Variants in ZFP30 observed in about 807,000 individuals in gnomAD.
ZFP30 encodes ZFP30 zinc finger protein.
In ZFP30, 16 loss-of-function variants were observed where a neutral mutation model predicts 12.3. The observed-to-expected ratio is 1.30, with a 90% CI of 0.88 to 1.98. The LOEUF (loss-of-function observed/expected upper bound fraction) is 1.98, where lower values mean the gene tolerates loss of function less well. Among genes scored for constraint, ZFP30 ranks in the 30% most tolerant of loss-of-function variants. The pLI, the probability that ZFP30 is intolerant of heterozygous loss-of-function variation, is 0.00. For missense variants in ZFP30, 560 were observed against 611.2 expected (o/e 0.92, Z 0.88); for synonymous variants, 172 against 201.0 (o/e 0.86, Z 1.22).
chr19:37,634,991 T>G lies in ZFP30; in HGVS notation c.1550A>C (p.Asn517Thr). 1 of 1,545,124 alleles carries G rather than the reference T, an allele frequency of 6.5e-7. No homozygotes were observed. The highest frequency in any genetic ancestry group is 8.7e-7 in the Non-Finnish European group (1 of 1,149,004). Reference sequence around the variant, plus strand: ...GAGTTCTAATAATTATTAAGTTACATTATGAATTCGCTGATGGTAAGTAAG... The same window carrying G: ...GAGTTCTAATAATTATTAAGTTACAGTATGAATTCGCTGATGGTAAGTAAG... ...SHLTYHQRIH[N>T]VT Residue 517 changes from asparagine to threonine, a missense_variant, in exon 6 of 6, where the codon AAT becomes ACT. Asn to Thr is a moderately conservative substitution (Grantham distance 65). Transcript: ENST00000684514.
chr19:37,647,810 T>G lies in ZFP30; in HGVS notation c.9+4A>C. The stretch of plus-strand genomic sequence containing the variant: ...TTCCAAAGTAGAGAGAAATTCCAAC[T>G]TACACGAGCCATGATTTTAGAACTG... On this transcript the variant is annotated splice_donor_region_variant and intron_variant, in intron 3 of 5. Coordinates refer to ENST00000684514, the MANE Select transcript of ZFP30 (RefSeq NM_001320669.3). 1.9e-6 allele frequency: 3 copies of G among 1,614,112 alleles called. No individual in the cohort carries two copies. Among genetic ancestry groups the G allele is most frequent in the Non-Finnish European group, 2.5e-6 (3 of 1,180,024 alleles).
rs946579864 is a variant in ZFP30 at position 37,647,875 on chromosome 19, G to A, written c.-53C>T. 1 of 1,606,678 alleles carries A rather than the reference G, an allele frequency of 6.2e-7. No homozygotes were observed. The highest frequency in any genetic ancestry group is 8.5e-7 in the Non-Finnish European group (1 of 1,173,350). On this transcript the variant is annotated 5_prime_UTR_variant, in exon 3 of 6. Transcript: ENST00000684514. ...TTTTCCTCAAGGTTCATGTACTTCAGAAGCAGGGTCCACAGACACCAGAGC... is the reference window on the plus strand; with the variant it reads ...TTTTCCTCAAGGTTCATGTACTTCAAAAGCAGGGTCCACAGACACCAGAGC...
rs2044230048 is a variant in ZFP30, at chr19:37,631,373, C to A, written c.*3608G>T. 1.3e-5 allele frequency: 2 copies of A among 151,862 alleles called. No individual in the cohort carries two copies. Among genetic ancestry groups the A allele is most frequent in the African/African-American group, 2.4e-5 (1 of 41,336 alleles). The allele number at this position is 151,862 out of a possible 1,614,324, so 9.4% of individuals were successfully genotyped here. A position where few individuals can be genotyped will look rare whatever the true frequency, so the allele number is the denominator to read the frequency against. ...ATTAATTTTAATATGCTCATTTAAC[C>A]ACAGAATGCTTTCTAAAAATACCAT... On this transcript the variant is annotated 3_prime_UTR_variant, in exon 6 of 6. Transcript: ENST00000684514.
At chr19:37,643,200 TCTC>T (rs1005581875) in intron 5 of ZFP30, 62 bp downstream of exon 5, 151 of 1,302,600 alleles carry the variant, frequency 1.2e-4, no homozygotes, top group Non-Finnish European at 1.5e-4. Context: ...AAGGGGTGTG[TCTC>T]CTCCTCAACC....
At position 37,633,270 on chromosome 19, in the gene ZFP30, AC is replaced by A. The variant is rs1382449188; in HGVS notation, c.*1710del. On this transcript the variant is annotated 3_prime_UTR_variant, in exon 6 of 6. Transcript: ENST00000684514. The stretch of plus-strand genomic sequence containing the variant: ...GGACCTACATTTTAACTTCCTGAAT[AC>A]ATTATCGTCATTATAGTGTAATTAA... 3 of 152,196 alleles carry A rather than the reference AC, an allele frequency of 2.0e-5. No homozygotes were observed. The highest frequency in any genetic ancestry group is 4.4e-5 in the Non-Finnish European group (3 of 68,042). The allele number at this position is 152,196 out of a possible 1,614,324, so 9.4% of individuals were successfully genotyped here. A position where few individuals can be genotyped will look rare whatever the true frequency, so the allele number is the denominator to read the frequency against.
chr19:37,635,900 T>TA lies in ZFP30; in HGVS notation c.640dup (p.Tyr214LeufsTer2), dbSNP rs2147255583. The TA allele has an allele frequency of 6.2e-7, 1 of 1,614,186 alleles. No homozygotes were observed. Among genetic ancestry groups the TA allele is most frequent in the Non-Finnish European group, 8.5e-7 (1 of 1,180,014 alleles). On this transcript the variant is annotated frameshift_variant, in exon 6 of 6. Coordinates refer to ENST00000684514, the MANE Select transcript of ZFP30 (RefSeq NM_001320669.3). LOFTEE classifies it low-confidence loss of function (END_TRUNC). ...GATCTTTCCACATTTTTTACATTCA[T>TA]AGAGTTTGTCAGAAGTATGAATTCT...
At position 37,632,199 on chromosome 19, in the gene ZFP30, A is replaced by C. The variant is rs1039588026; in HGVS notation, c.*2782T>G. ...TTGTTGGTCTACTCAGGCTCTCTTC[A>C]TTCAGCATGTGAAGTCAATTTTAGT... On this transcript the variant is annotated 3_prime_UTR_variant, in exon 6 of 6. Transcript: ENST00000684514. 2 of 151,868 alleles carry C rather than the reference A, an allele frequency of 1.3e-5. No individual in the cohort carries two copies. The highest frequency in any genetic ancestry group is 1.3e-4 in the Admixed American group (2 of 15,230). 9.4% of individuals were successfully genotyped at this position (151,868 alleles called of 1,614,324 possible).
At position 37,636,074 on chromosome 19, in the gene ZFP30, T is replaced by G; in HGVS notation, c.467A>C (p.Lys156Thr). The change falls in exon 6 of 6, where the codon AAA (lysine) becomes ACA (threonine). Residue 156 changes from lysine to threonine, a missense_variant. Coordinates refer to ENST00000684514, the MANE Select transcript of ZFP30 (RefSeq NM_001320669.3). ...CCCACATTCCCCACATTCGTAGGGT[T>G]TCTCTCTGTTATGACTTTTCTGATA... ...PLYQKSHNRE[K>T]PYECGECGKA... 1 of 1,614,204 alleles carries G rather than the reference T, an allele frequency of 6.2e-7. No homozygotes were observed. The highest frequency in any genetic ancestry group is 8.5e-7 in the Non-Finnish European group (1 of 1,180,040).
chr19:37,643,403 A>C, intron 4 of ZFP30, 40 bp from the exon 5 acceptor site: 1 of 1,370,858 alleles, frequency 7.3e-7, no homozygotes, highest in East Asian at 2.7e-5. Flanking sequence ...GAATTTATTT[A>C]AGGCTTCAAA....
At chr19:37,642,497 C>G (rs1337395343) in intron 5 of ZFP30, among the ~76,000 whole-genome samples, 1 of 152,194 alleles carries the variant, frequency 6.6e-6, no homozygotes, top group Non-Finnish European at 1.5e-5. Context: ...TTACCTTACT[C>G]ACTTTTCTTC....
chr19:37,655,151 A>AGCGCGGACGAGGAT (rs2044728361), intron 1 of ZFP30: 2 of 152,430 alleles, frequency 1.3e-5, no homozygotes, highest in Admixed American at 6.5e-5. Flanking sequence ...AAGTGGCTGA[A>AGCGCGGACGAGGAT]GCGCGGACGA....
At chr19:37,643,469 C>T in intron 4 of ZFP30, 106 bp from the exon 5 acceptor site, 2 of 778,058 alleles carry the variant, frequency 2.6e-6, no homozygotes, top group Non-Finnish European at 3.5e-6. Flanking sequence ...ACTTCAGGAT[C>T]ACAAGGAAAA....
chr19:37,640,106 G>A (rs1015035476), intron 5 of ZFP30, among the ~76,000 whole-genome samples: 7 of 152,170 alleles, frequency 4.6e-5, no homozygotes, highest in African/African-American at 1.2e-4. Context: ...TTTTGTCAAC[G>A]TAGGCATGGG....
At chr19:37,655,485 C>G (rs3101747), upstream of ZFP30, 113,576 of 152,328 alleles carry the variant, frequency 0.75, 43,048 homozygotes, top group Middle Eastern at 0.83. Context: ...CGCCTGTCTC[C>G]GTCGCGAATG....
At chr19:37,645,167 T>C (rs2044517210) in intron 3 of ZFP30, among the ~76,000 whole-genome samples, 1 of 151,048 alleles carries the variant, frequency 6.6e-6, no homozygotes, top group Non-Finnish European at 1.5e-5. Flanking sequence ...ATCGCGCTAC[T>C]GCACTCCAGC....
At chr19:37,649,696 C>T (rs2044610616) in intron 2 of ZFP30, among the ~76,000 whole-genome samples, 1 of 151,680 alleles carries the variant, frequency 6.6e-6, no homozygotes, top group Non-Finnish European at 1.5e-5. Context: ...TGGTGGTGCA[C>T]ACCTGTGGTC....
chr19:37,647,605 C>A (rs1011131632), intron 3 of ZFP30, among the ~76,000 whole-genome samples: 1 of 152,132 alleles, frequency 6.6e-6, no homozygotes, highest in Non-Finnish European at 1.5e-5. Context: ...TCTTTATCAG[C>A]AGCGTGAAAA....
chr19:37,651,597 C>T (rs918707471), intron 2 of ZFP30: 6 of 151,022 alleles, frequency 4.0e-5, no homozygotes, highest in Non-Finnish European at 7.4e-5. Context: ...AAAAATAGCA[C>T]AGCTGTCTAT....
At chr19:37,647,720 GCT>G in intron 3 of ZFP30, 92 bp downstream of exon 3, 2 of 1,499,324 alleles carry the variant, frequency 1.3e-6, no homozygotes, top group Non-Finnish European at 1.9e-6. Flanking sequence ...GTTGAATGGG[GCT>G]CTGTTAGAAA....
Sources: allele counts gnomAD v4.1 joint callset (sites outside exome capture counted in the v4.1 genomes callset), GRCh38; gene constraint gnomAD v4.1.1; transcripts MANE v1.5; gene names NCBI Gene and HGNC (gene_info 2026-07-23, HGNC 2026-07-21).